RFX6: variants seen among roughly 807,000 people sequenced by gnomAD.
The protein encoded by RFX6 is DNA-binding protein RFX6.
In RFX6, 50 loss-of-function variants were observed where a neutral mutation model predicts 110.8. The ratio of observed to expected loss-of-function variants is 0.45; its 90% CI spans 0.36 to 0.57. The LOEUF (loss-of-function observed/expected upper bound fraction) is 0.57. RFX6 is among the 20% of genes least tolerant of loss of function. The probability of loss-of-function intolerance (pLI) is 0.00; values close to 1 mark genes in which losing one functional copy is unlikely to be tolerated. For missense variants in RFX6, 990 were observed against 1,127.0 expected, an observed-to-expected ratio of 0.88 and a Z score of 1.74; for synonymous variants, 383 against 411.2, an observed-to-expected ratio of 0.93 and a Z score of 0.83.
chr6:116,882,264 C>T, intron 3 of RFX6, 103 bp from the exon 4 acceptor site: 1 of 795,816 alleles, frequency 1.3e-6, no homozygotes, highest in East Asian at 2.6e-5. Context: ...ACTCACAGTT[C>T]ATTCAGAGTT....
At position 116,927,429 on chromosome 6, in the gene RFX6, C is replaced by T; in HGVS notation, c.2288C>T (p.Ala763Val). The T allele has an allele frequency of 1.9e-6, 3 of 1,614,116 alleles. No homozygotes were observed. Among genetic ancestry groups the T allele is most frequent in the Non-Finnish European group, 2.5e-6 (3 of 1,179,992 alleles). The part of the protein sequence containing the change: ...PPSSYGPSLQ[A>V]QDSHNMQFLN... ...TCTAGCTATGGCCCATCCCTGCAAGCCCAGGATTCACACAATATGCAGTTT... is the reference window on the plus strand; with the variant it reads ...TCTAGCTATGGCCCATCCCTGCAAGTCCAGGATTCACACAATATGCAGTTT... Residue 763 changes from alanine to valine, a missense_variant, in exon 17 of 19, where the codon GCC (alanine) becomes GTC (valine). Physicochemically the swap from Ala to Val is moderately conservative, Grantham distance 64 (BLOSUM62 0). This residue lies in a region of RFX6 where 438 missense variants were observed against 441.9 expected (regional missense o/e 0.99). Coordinates refer to ENST00000332958, the MANE Select transcript of RFX6 (RefSeq NM_173560.4).
intron 2 of RFX6, among the ~76,000 whole-genome samples, chr6:116,879,862 TA>T (rs1332731379): frequency 1.3e-5 from 2 of 151,994 alleles, no homozygotes; most frequent in Non-Finnish European, 2.9e-5. Flanking sequence ...TTTCAAAGGT[TA>T]TATAGTTATT....
intron 6 of RFX6, among the ~76,000 whole-genome samples, chr6:116,909,935 A>G (rs1178312362): frequency 1.3e-5 from 2 of 151,604 alleles, no homozygotes; most frequent in African/African-American, 4.8e-5. Context: ...CCTTGGCTCT[A>G]CCCTTATAAG....
intron 9 of RFX6, 59 bp downstream of exon 9, chr6:116,916,373 C>G: frequency 2.0e-6 from 2 of 981,180 alleles, no homozygotes; most frequent in Non-Finnish European, 3.3e-6. Context: ...AGCATTCTAT[C>G]TAAATTCTTG....
Position 116,931,382 on chromosome 6 carries a change from G to C in RFX6, c.2663G>C (p.Gly888Ala). ...TCTTCCTCATCCCAATGTATGTATG[G>C]AACTTCCAACCAGTATCCAGCTCAA... ...IPSSSSQCMY[G>A]TSNQYPAQET... is the part of the protein sequence containing the mutation. Residue 888 changes from glycine to alanine, a missense_variant, in exon 19 of 19, where the codon GGA (glycine) becomes GCA (alanine). By Grantham distance (60) the Gly-to-Ala change is moderately conservative (BLOSUM62 0). Around this residue, in one of 5 missense-constraint regions of RFX6, gnomAD observed 438 missense variants for 441.9 expected, o/e 0.99. Coordinates refer to ENST00000332958, the MANE Select transcript of RFX6 (RefSeq NM_173560.4). 1 of 1,613,266 alleles carries C rather than the reference G, an allele frequency of 6.2e-7. No homozygotes were observed. The highest frequency in any genetic ancestry group is 8.5e-7 in the Non-Finnish European group (1 of 1,179,332).
At chr6:116,907,614 G>A (rs377074339) in intron 6 of RFX6, among the ~76,000 whole-genome samples, 2 of 151,948 alleles carry the variant, frequency 1.3e-5, no homozygotes, top group Non-Finnish European at 2.9e-5. Flanking sequence ...CTATCTTTTC[G>A]AATTCACTGA....
At chr6:116,880,792 A>G in intron 3 of RFX6, 125 bp downstream of exon 3, 1 of 1,069,800 alleles carries the variant, frequency 9.3e-7, no homozygotes, top group Non-Finnish European at 1.4e-6. Context: ...GCAGGCATAA[A>G]TTGTCTTAAG....
At position 116,894,070 on chromosome 6, in the gene RFX6, GT is replaced by G; in HGVS notation, c.644+8del. Reference sequence around the variant, plus strand: ...TCTGGAAAGGGCTTGACAAGGTAGAGTTACACCATCTTCAAGACAAATTCTC... The same window carrying G: ...TCTGGAAAGGGCTTGACAAGGTAGAGTACACCATCTTCAAGACAAATTCTC... On this transcript the variant is annotated splice_region_variant and intron_variant, in intron 5 of 18. Coordinates refer to ENST00000332958, the MANE Select transcript of RFX6 (RefSeq NM_173560.4). The G allele has an allele frequency of 6.8e-7, 1 of 1,476,538 alleles. No individual in the cohort carries two copies. The highest frequency in any genetic ancestry group is 9.5e-7 in the Non-Finnish European group (1 of 1,054,602). The allele number at this position is 1,476,538 out of a possible 1,614,324, so 91.5% of individuals were successfully genotyped here.
At chr6:116,901,975 A>G (rs1276076070) in intron 6 of RFX6, among the ~76,000 whole-genome samples, 1 of 152,126 alleles carries the variant, frequency 6.6e-6, no homozygotes, top group African/African-American at 2.4e-5. Context: ...GTTTTTATAC[A>G]TTTATACAAT....
At chr6:116,900,561 C>CTATTTTTAT (rs1054098167) in intron 6 of RFX6, among the ~76,000 whole-genome samples, 2 of 151,686 alleles carry the variant, frequency 1.3e-5, no homozygotes, top group Non-Finnish European at 2.9e-5. Context: ...GGCCTTGAAT[C>CTATTTTTAT]TATTTTTATT....
At chr6:116,901,754 C>T (rs890708220) in intron 6 of RFX6, among the ~76,000 whole-genome samples, 2 of 152,044 alleles carry the variant, frequency 1.3e-5, no homozygotes, top group African/African-American at 4.8e-5. Context: ...ACACTGTTGA[C>T]AGGAATATGG....
Position 116,919,215 on chromosome 6 carries a change from T to TCTAA in RFX6, c.1104_1107dup (p.Asp370AsnfsTer2). ...CATCCTTGGAAAACTTGCCAGAAGC[T>TCTAA]CTAACTGACAAGAAAATACCTATTG... On this transcript the variant is annotated frameshift_variant, in exon 11 of 19. Coordinates refer to ENST00000332958, the MANE Select transcript of RFX6 (RefSeq NM_173560.4). LOFTEE classifies it high-confidence loss of function. The TCTAA allele has an allele frequency of 6.2e-7, 1 of 1,613,352 alleles. No individual in the cohort carries two copies. Among genetic ancestry groups the TCTAA allele is most frequent in the Non-Finnish European group, 8.5e-7 (1 of 1,179,378 alleles).
chr6:116,917,089 G>A (rs1018925525), intron 9 of RFX6, among the ~76,000 whole-genome samples: 1 of 152,068 alleles, frequency 6.6e-6, no homozygotes, highest in African/African-American at 2.4e-5. Flanking sequence ...TAAGTTAGTT[G>A]CCACTATCAG....
At chr6:116,898,868 AG>A (rs1295002590) in intron 6 of RFX6, among the ~76,000 whole-genome samples, 2 of 152,214 alleles carry the variant, frequency 1.3e-5, no homozygotes, top group Non-Finnish European at 2.9e-5. Context: ...ATTCTCAACC[AG>A]GTTTTCTAGA....
chr6:116,890,372 G>T (rs1774801477), intron 4 of RFX6, among the ~76,000 whole-genome samples: 1 of 152,088 alleles, frequency 6.6e-6, no homozygotes, highest in African/African-American at 2.4e-5. Flanking sequence ...ACTATCACCT[G>T]CTTCAATGGT....
chr6:116,920,053 G>C (rs1352827294), intron 11 of RFX6, among the ~76,000 whole-genome samples: 2 of 152,102 alleles, frequency 1.3e-5, no homozygotes, highest in African/African-American at 4.8e-5. Context: ...GTGCAGGTTT[G>C]TTACATATGT....
At chr6:116,907,675 G>A (rs1205796656) in intron 6 of RFX6, among the ~76,000 whole-genome samples, 2 of 152,050 alleles carry the variant, frequency 1.3e-5, no homozygotes, top group Non-Finnish European at 2.9e-5. Context: ...TGTCCCATGT[G>A]CTCTTGAAAA....
intron 6 of RFX6, among the ~76,000 whole-genome samples, chr6:116,902,996 A>G (rs1044953879): frequency 2.6e-5 from 4 of 152,034 alleles, no homozygotes; most frequent in African/African-American, 9.7e-5. Context: ...AGTTCACCCA[A>G]GAGTACCGAA....
intron 5 of RFX6, among the ~76,000 whole-genome samples, chr6:116,894,899 T>C (rs1384260799): frequency 6.6e-6 from 1 of 152,138 alleles, no homozygotes; most frequent in Non-Finnish European, 1.5e-5. Flanking sequence ...AATGTAAATA[T>C]AGGCTGGAAC....
Sources: gnomAD v4.1 joint callset for allele counts (sites outside exome capture counted in the v4.1 genomes callset) on GRCh38, gnomAD v4.1.1 for gene constraint, gnomAD v4.1.1 regional missense constraint, MANE v1.5 for transcripts, NCBI Gene and HGNC (gene_info 2026-07-23, HGNC 2026-07-21) for gene names.